Variants in LMLN observed in about 807,000 individuals in gnomAD.
LMLN encodes leishmanolysin like peptidase, also known as leishmanolysin-like peptidase.
LMLN carries 70 observed loss-of-function variants against 92.3 expected under a neutral mutation model. The ratio of observed to expected loss-of-function variants is 0.76; its 90% CI spans 0.63 to 0.92. The LOEUF (loss-of-function observed/expected upper bound fraction) is 0.92, where lower values mean the gene tolerates loss of function less well. LMLN is among the 40% of genes least tolerant of loss of function. The pLI, the probability that LMLN is intolerant of heterozygous loss-of-function variation, is 0.00. For missense variants in LMLN, 691 were observed against 814.6 expected (o/e 0.85, Z 1.85); for synonymous variants, 308 against 296.2 (o/e 1.04, Z -0.41).
intron 10 of LMLN, among the ~76,000 whole-genome samples, chr3:197,997,015 CCTTTCTTTTCT>C: frequency 6.7e-6 from 1 of 149,478 alleles, no homozygotes; most frequent in African/African-American, 2.5e-5. Flanking sequence ...CTTTTCTTTT[CCTTTCTTTTCT>C]TTTCTTTTCT....
chr3:198,043,557 T>C (rs1415012541), exon 16 of LMLN: 1 of 152,642 alleles, frequency 6.6e-6, no homozygotes, highest in Non-Finnish European at 1.5e-5. Context: ...AGGAGTAATA[T>C]TTTTTTAATA....
intron 7 of LMLN, among the ~76,000 whole-genome samples, chr3:197,984,266 C>T (rs1481273975): frequency 1.3e-5 from 2 of 151,896 alleles, no homozygotes; most frequent in Non-Finnish European, 2.9e-5. Context: ...ACTTGGGAGG[C>T]TGAGGTGGGA....
At chr3:198,023,283 G>A (rs896639169) in intron 13 of LMLN, among the ~76,000 whole-genome samples, 1 of 152,018 alleles carries the variant, frequency 6.6e-6, no homozygotes, top group Non-Finnish European at 1.5e-5. Flanking sequence ...TGTAACTCCT[G>A]GGCTCAAGTG....
intron 11 of LMLN, among the ~76,000 whole-genome samples, chr3:198,006,385 G>A (rs1175297821): frequency 1.3e-5 from 2 of 152,178 alleles, no homozygotes; most frequent in South Asian, 2.1e-4. Context: ...GAACATTTAT[G>A]TACAGGTTTG....
rs542870297 is a variant in LMLN, at chr3:198,017,476, G to A, written c.1233-1777G>A. 1.4e-4 allele frequency among the ~76,000 whole-genome samples: 22 copies of A among 152,284 alleles called. No individual in the cohort carries two copies. The East Asian group carries it at 1.9e-3, about 13-fold the overall frequency. On this transcript the variant is annotated intron_variant, in intron 11 of 15. Transcript: ENST00000330198. Reference sequence around the variant, plus strand: ...TTAAAGTAAGGTTCTTTCTATGTTCGAAGCAACTAAAACTGATAAATCGCC... The same window carrying A: ...TTAAAGTAAGGTTCTTTCTATGTTCAAAGCAACTAAAACTGATAAATCGCC...
chr3:197,967,154 A>T lies in LMLN; in HGVS notation c.219+6714A>T, dbSNP rs963915822. ...TTTTTAATTTTATTTTTTAAATTTT[A>T]TATTTATGGTTTTTTACCAACTACC... On this transcript the variant is annotated intron_variant, in intron 1 of 15. Coordinates refer to ENST00000330198, the Ensembl canonical transcript of LMLN. Among the ~76,000 whole-genome samples the T allele has an allele frequency of 7.2e-5, 11 of 152,084 alleles. No homozygotes were observed. In the East Asian group the frequency reaches 1.3e-3, roughly 19 times the overall value.
intron 1 of LMLN, among the ~76,000 whole-genome samples, chr3:197,966,439 A>G (rs1721062886): frequency 1.3e-5 from 2 of 152,220 alleles, no homozygotes; most frequent in Admixed American, 1.3e-4. Context: ...CTGATCTTAG[A>G]GGGAAAACAT....
chr3:197,989,434 G>A (rs191169112), intron 8 of LMLN, among the ~76,000 whole-genome samples: 2 of 152,226 alleles, frequency 1.3e-5, no homozygotes, highest in East Asian at 1.9e-4. Context: ...GTGAAAAAGG[G>A]ATTTAACCTT....
chr3:198,021,705 C>G (rs1279222146), intron 13 of LMLN, 100 bp downstream of exon 14: 1 of 1,025,820 alleles, frequency 9.7e-7, no homozygotes, highest in African/African-American at 1.6e-5. Flanking sequence ...GCAGGACTGT[C>G]TGAATTTGCT....
At chr3:198,014,809 C>T (rs1457855837) in intron 11 of LMLN, among the ~76,000 whole-genome samples, 10 of 128,720 alleles carry the variant, frequency 7.8e-5, no homozygotes, top group Middle Eastern at 5.4e-3. Context: ...GTTCAGAGCC[C>T]GCTAACTAGT....
intron 5 of LMLN, among the ~76,000 whole-genome samples, chr3:197,978,124 T>C (rs1181875424): frequency 1.4e-5 from 2 of 145,366 alleles, no homozygotes; most frequent in African/African-American, 5.7e-5. Context: ...CATATAAAAA[T>C]CATCAAACAA....
In LMLN at chr3:198,016,749, T is replaced by G. The variant is rs561232268; in HGVS notation, c.1233-2504T>G. On this transcript the variant is annotated intron_variant, in intron 11 of 15. Coordinates refer to ENST00000330198, the Ensembl canonical transcript of LMLN. ...GAAACAGAAGGGACTTCTACTTCTT[T>G]ATTCTTAAAAACTAAAACTGTGGGT... Among the ~76,000 whole-genome samples, 75 of 152,326 alleles carry G rather than the reference T, an allele frequency of 4.9e-4. 2 individuals carry two copies. The South Asian group carries it at 7.9e-3, about 16-fold the overall frequency.
At chr3:198,011,927 A>G (rs1202651756) in intron 11 of LMLN, among the ~76,000 whole-genome samples, 1 of 152,242 alleles carries the variant, frequency 6.6e-6, no homozygotes, top group Non-Finnish European at 1.5e-5. Flanking sequence ...CTACCATCAG[A>G]GTGAACAGGC....
rs1721075271 is a variant in LMLN, at chr3:197,966,878, TA to T, written c.219+6441del. On this transcript the variant is annotated intron_variant, in intron 1 of 15. Transcript: ENST00000330198. ...ACAATCATAGCTCACTATACAGCCT[TA>T]AATGACTTGGCTTAAGCAGTCCTCC... Among the ~76,000 whole-genome samples, 2 of 152,080 alleles carry T rather than the reference TA, an allele frequency of 1.3e-5. 1 individual carries two copies. Among genetic ancestry groups the T allele is most frequent in the South Asian group, 4.1e-4 (2 of 4,826 alleles).
At chr3:197,974,346 A>T in intron 1 of LMLN, 31 bp from the exon 2 acceptor site, 1 of 1,185,356 alleles carries the variant, frequency 8.4e-7, no homozygotes, top group Non-Finnish European at 1.2e-6. Context: ...TGTATGTCTT[A>T]AACAGTTTTC....
chr3:197,987,392 C>T (rs1161412254), intron 8 of LMLN, among the ~76,000 whole-genome samples: 3 of 152,060 alleles, frequency 2.0e-5, no homozygotes, highest in Admixed American at 6.5e-5. Context: ...ATCTGCTGAC[C>T]TCGTGATCCA....
intron 14 of LMLN, among the ~76,000 whole-genome samples, chr3:198,028,758 C>T (rs577747559): frequency 1.3e-5 from 2 of 152,334 alleles, no homozygotes; most frequent in South Asian, 2.1e-4. Context: ...TTCCCAGCCC[C>T]GTCTTTTAGT....
rs779165679 is a variant in LMLN, at chr3:197,960,311, C to G, written c.90C>G (p.Arg30=). 3.7e-6 allele frequency: 6 copies of G among 1,613,888 alleles called. No individual in the cohort carries two copies. In the Middle Eastern group the frequency reaches 5.0e-4, roughly 133 times the overall value. Residue 30 remains arginine, a synonymous_variant, in exon 1 of 16, where the codon CGC becomes CGG. Transcript: ENST00000330198. ...CAGGCCCGGGCCGGAGCCGGTGGCGCTGGAGCGGGTCTGTGTGGGTCCGAA... is the reference window on the plus strand; with the variant it reads ...CAGGCCCGGGCCGGAGCCGGTGGCGGTGGAGCGGGTCTGTGTGGGTCCGAA...
chr3:197,974,543 A>G, intron 2 of LMLN, 69 bp downstream of exon 2: 1 of 822,684 alleles, frequency 1.2e-6, no homozygotes, highest in South Asian at 2.0e-5. Flanking sequence ...TTTGTCTGTT[A>G]CCTGAAGTTC....
Sources: gnomAD v4.1 joint callset for allele counts (sites outside exome capture counted in the v4.1 genomes callset) on GRCh38, gnomAD v4.1.1 for gene constraint, MANE v1.5 for transcripts, NCBI Gene and HGNC (gene_info 2026-07-23, HGNC 2026-07-21) for gene names.